Variants in ST6GALNAC3 observed in about 807,000 individuals in gnomAD.
The protein encoded by ST6GALNAC3 is alpha-N-acetylgalactosaminide alpha-2,6-sialyltransferase 3.
In ST6GALNAC3, 25 loss-of-function variants were observed where a neutral mutation model predicts 32.7. The ratio of observed to expected loss-of-function variants is 0.76; its 90% CI spans 0.56 to 1.07. The LOEUF (loss-of-function observed/expected upper bound fraction) is 1.07, where lower values mean the gene tolerates loss of function less well. Ranked by LOEUF, ST6GALNAC3 falls within the 50% of genes least tolerant of loss-of-function variation. The pLI, the probability that ST6GALNAC3 is intolerant of heterozygous loss-of-function variation, is 0.00. For missense variants in ST6GALNAC3, 355 were observed against 382.4 expected (o/e 0.93, Z 0.60); for synonymous variants, 129 against 133.1 (o/e 0.97, Z 0.21).
intron 3 of ST6GALNAC3, among the ~76,000 whole-genome samples, chr1:76,579,150 C>T (rs1646855217): frequency 6.6e-6 from 1 of 152,024 alleles, no homozygotes; most frequent in African/African-American, 2.4e-5. Flanking sequence ...CATATGTCCA[C>T]TAATTTGTTT....
At chr1:76,490,174 T>A (rs1343929214) in intron 3 of ST6GALNAC3, among the ~76,000 whole-genome samples, 1 of 152,080 alleles carries the variant, frequency 6.6e-6, no homozygotes, top group Non-Finnish European at 1.5e-5. Context: ...CCCTCTTGCA[T>A]GTCCCCTCTC....
intron 2 of ST6GALNAC3, among the ~76,000 whole-genome samples, chr1:76,401,289 T>A (rs1308044566): frequency 6.8e-6 from 1 of 147,910 alleles, no homozygotes; most frequent in East Asian, 1.9e-4. Flanking sequence ...CTTTATCTAA[T>A]TTGCTGTTAA....
intron 3 of ST6GALNAC3, among the ~76,000 whole-genome samples, chr1:76,596,578 T>G (rs1019732199): frequency 6.6e-6 from 1 of 152,204 alleles, no homozygotes; most frequent in African/African-American, 2.4e-5. Flanking sequence ...TCAGAAATAA[T>G]GGCAGCTATC....
chr1:76,353,654 C>A, intron 2 of ST6GALNAC3: 1 of 154,450 alleles, frequency 6.5e-6, no homozygotes. Flanking sequence ...GCCTTCACCA[C>A]ACCATCCTCT....
At chr1:76,566,961 T>C (rs1665590063) in intron 3 of ST6GALNAC3, among the ~76,000 whole-genome samples, 1 of 152,086 alleles carries the variant, frequency 6.6e-6, no homozygotes, top group East Asian at 1.9e-4. Flanking sequence ...TTTGTCCCAG[T>C]GAATTCCAAA....
chr1:76,250,203 TA>T (rs1657530796), intron 1 of ST6GALNAC3, among the ~76,000 whole-genome samples: 2 of 152,210 alleles, frequency 1.3e-5, no homozygotes, highest in South Asian at 4.1e-4. Context: ...CTCATGTCTT[TA>T]AAAACACATA....
In ST6GALNAC3 at chr1:76,370,676, C is replaced by G. The variant is rs369886370; in HGVS notation, c.214-41332C>G. Among the ~76,000 whole-genome samples, 5 of 152,038 alleles carry G rather than the reference C, an allele frequency of 3.3e-5. No individual in the cohort carries two copies. In the East Asian group the frequency reaches 7.7e-4, roughly 23 times the overall value. ...AAGATGAACCATCACTTTTTGGGCC[C>G]TAGAAACTGATTTATATAGAGACTA... On this transcript the variant is annotated intron_variant, in intron 2 of 4. Coordinates refer to ENST00000328299, the MANE Select transcript of ST6GALNAC3 (RefSeq NM_152996.4).
intron 1 of ST6GALNAC3, among the ~76,000 whole-genome samples, chr1:76,113,174 A>C (rs1476577137): frequency 1.3e-5 from 2 of 151,646 alleles, no homozygotes; most frequent in Non-Finnish European, 2.9e-5. Flanking sequence ...CGTCTCCACC[A>C]AAAAAAATAC....
intron 1 of ST6GALNAC3, among the ~76,000 whole-genome samples, chr1:76,248,395 G>A (rs1040944590): frequency 1.3e-5 from 2 of 152,080 alleles, no homozygotes; most frequent in African/African-American, 4.8e-5. Flanking sequence ...AGTTACAAGA[G>A]GTAACTTCTC....
intron 3 of ST6GALNAC3, among the ~76,000 whole-genome samples, chr1:76,444,024 C>G (rs1202343469): frequency 6.6e-6 from 1 of 152,206 alleles, no homozygotes; most frequent in African/African-American, 2.4e-5. Flanking sequence ...TGGAATTGAC[C>G]TCTTACTTCT....
chr1:76,328,439 T>A (rs372967083), intron 2 of ST6GALNAC3, among the ~76,000 whole-genome samples: 1 of 152,170 alleles, frequency 6.6e-6, no homozygotes, highest in Non-Finnish European at 1.5e-5. Context: ...CTGATAGGAA[T>A]AACAGCCACA....
At chr1:76,140,429 C>T (rs1650239297) in intron 1 of ST6GALNAC3, among the ~76,000 whole-genome samples, 1 of 152,078 alleles carries the variant, frequency 6.6e-6, no homozygotes, top group African/African-American at 2.4e-5. Context: ...TTGGTCCTTG[C>T]TGCCCCTGCT....
intron 1 of ST6GALNAC3, among the ~76,000 whole-genome samples, chr1:76,295,791 G>C (rs1220911065): frequency 2.0e-5 from 3 of 152,036 alleles, no homozygotes; most frequent in African/African-American, 7.2e-5. Flanking sequence ...GGAGAGACTA[G>C]AAGATAAGAC....
chr1:76,568,357 C>T (rs1226766055), intron 3 of ST6GALNAC3, among the ~76,000 whole-genome samples: 2 of 152,180 alleles, frequency 1.3e-5, no homozygotes, highest in Non-Finnish European at 2.9e-5. Flanking sequence ...GCATGTTAAG[C>T]ATTTCACATT....
rs377588746 is a variant in ST6GALNAC3 at position 76,105,841 on chromosome 1, A to G, written c.18+30957A>G. ...GCTATTACATTTAAAAAAATATTGT[A>G]CAAATACCACTTCAAATAATTTTCT... On this transcript the variant is annotated intron_variant, in intron 1 of 4. Transcript: ENST00000328299. Among the ~76,000 whole-genome samples the G allele has an allele frequency of 1.7e-4, 26 of 152,340 alleles. No homozygotes were observed. In the East Asian group the frequency reaches 3.1e-3, roughly 18 times the overall value.
At chr1:76,489,101 G>A (rs569968475) in intron 3 of ST6GALNAC3, among the ~76,000 whole-genome samples, 1 of 152,268 alleles carries the variant, frequency 6.6e-6, no homozygotes, top group African/African-American at 2.4e-5. Context: ...TTGGAAAAAA[G>A]TAGTTGTTTA....
intron 1 of ST6GALNAC3, among the ~76,000 whole-genome samples, chr1:76,231,989 G>T (rs778586983): frequency 6.6e-6 from 1 of 152,142 alleles, no homozygotes; most frequent in Admixed American, 6.5e-5. Context: ...TGACAACAAG[G>T]CTTCGAGGTA....
At chr1:76,092,490 A>G (rs542696357) in intron 1 of ST6GALNAC3, among the ~76,000 whole-genome samples, 4 of 151,892 alleles carry the variant, frequency 2.6e-5, no homozygotes, top group Admixed American at 6.6e-5. Context: ...AGCAATTTTT[A>G]TGGGAGTTTC....
chr1:76,494,339 GT>G (rs1352811716), intron 3 of ST6GALNAC3, among the ~76,000 whole-genome samples: 2 of 147,794 alleles, frequency 1.4e-5, no homozygotes, highest in Non-Finnish European at 3.0e-5. Flanking sequence ...CTTGAATTAG[GT>G]TTTCTAATCT....
Sources: allele counts gnomAD v4.1 joint callset (sites outside exome capture counted in the v4.1 genomes callset), GRCh38; gene constraint gnomAD v4.1.1; transcripts MANE v1.5; gene names NCBI Gene and HGNC (gene_info 2026-07-23, HGNC 2026-07-21).